The following VAMP5 variants were observed in gnomAD, a reference collection of about 807,000 sequenced individuals.
VAMP5 encodes vesicle associated membrane protein 5, also known as vesicle-associated membrane protein 5.
VAMP5 carries 10 observed loss-of-function variants against 8.1 expected under a neutral mutation model. The ratio of observed to expected loss-of-function variants is 1.23; its 90% CI spans 0.76 to 2.09. The LOEUF is 2.09. VAMP5 is among the 30% of genes most tolerant of loss of function. VAMP5 has a pLI of 0.00. For synonymous variants in VAMP5, 62 were observed against 60.6 expected, an observed-to-expected ratio of 1.02 and a Z score of -0.11; for missense variants, 135 against 152.5, an observed-to-expected ratio of 0.89 and a Z score of 0.60.
chr2:85,586,449 G>A (rs555082359), intron 1 of VAMP5, among the ~76,000 whole-genome samples: 7 of 152,286 alleles, frequency 4.6e-5, no homozygotes, highest in South Asian at 2.1e-4. Flanking sequence ...GGTGGCACAC[G>A]CCTGTAGTCC....
At chr2:85,584,576 CG>C in intron 1 of VAMP5, 83 bp downstream of exon 1, 1 of 1,229,060 alleles carries the variant, frequency 8.1e-7, no homozygotes, top group Non-Finnish European at 1.0e-6. Flanking sequence ...CCAAAGTCCG[CG>C]GGCTGGGGCC....
chr2:85,584,771 C>T (rs961188660), intron 1 of VAMP5, among the ~76,000 whole-genome samples: 1 of 152,224 alleles, frequency 6.6e-6, no homozygotes, highest in Non-Finnish European at 1.5e-5. Context: ...TTAAGAGCAC[C>T]GACTTTGGAG....
At chr2:85,591,497 A>G in intron 1 of VAMP5, 1 of 577,620 alleles carries the variant, frequency 1.7e-6, no homozygotes, top group South Asian at 2.1e-5. Context: ...CCTAGGTCCT[A>G]GGCCCTGCCT....
chr2:85,585,934 G>A (rs1479288921), intron 1 of VAMP5, among the ~76,000 whole-genome samples: 1 of 152,176 alleles, frequency 6.6e-6, no homozygotes, highest in Admixed American at 6.5e-5. Context: ...TGCCAGCATG[G>A]TGACAAGTAT....
Position 85,592,995 on chromosome 2 carries a change from CT to C in VAMP5, c.190del (p.Trp64GlyfsTer22). 1 of 1,614,122 alleles carries C rather than the reference CT, an allele frequency of 6.2e-7. No homozygotes were observed. Among genetic ancestry groups the C allele is most frequent in the Non-Finnish European group, 8.5e-7 (1 of 1,180,024 alleles). Reference protein sequence around the residue: ...TTQNLAQKKCWENIRYRICVG... With the variant: ...TTQNLAQKKCXENIRYRICVG... The stretch of plus-strand genomic sequence containing the variant: ...CACAGAACCTGGCCCAGAAGAAGTG[CT>C]GGGAGAACATCCGTTACCGGATCTG... On this transcript the variant is annotated frameshift_variant, in exon 3 of 3. Coordinates refer to ENST00000306384, the MANE Select transcript of VAMP5 (RefSeq NM_006634.3). LOFTEE classifies it low-confidence loss of function (END_TRUNC).
At chr2:85,587,378 C>T (rs1319576367) in intron 1 of VAMP5, among the ~76,000 whole-genome samples, 1 of 151,852 alleles carries the variant, frequency 6.6e-6, no homozygotes, top group Non-Finnish European at 1.5e-5. Flanking sequence ...CTCAGCCTCC[C>T]GAGTAGCTGG....
In VAMP5 at chr2:85,592,926, TTGTGTC is replaced by T; in HGVS notation, c.142-19_142-14del. On this transcript the variant is annotated splice_polypyrimidine_tract_variant and intron_variant, in intron 2 of 2. Transcript: ENST00000306384. Reference sequence around the variant, plus strand: ...AAGAGGGTGCCAGCTAACTCCCACTTTGTGTCTGGGGGTATCCGCAGAGCTCAACCT... The same window carrying T: ...AAGAGGGTGCCAGCTAACTCCCACTTTGGGGGTATCCGCAGAGCTCAACCT... 1 of 1,612,808 alleles carries T rather than the reference TTGTGTC, an allele frequency of 6.2e-7. No homozygotes were observed. Among genetic ancestry groups the T allele is most frequent in the Non-Finnish European group, 8.5e-7 (1 of 1,179,824 alleles).
At chr2:85,588,051 G>A (rs569390504) in intron 1 of VAMP5, among the ~76,000 whole-genome samples, 60 of 152,164 alleles carry the variant, frequency 3.9e-4, no homozygotes, top group African/African-American at 1.4e-3. Context: ...AGTGCAGTGC[G>A]CAATCTTGGC....
chr2:85,593,276 A>G lies in VAMP5; in HGVS notation c.*119A>G. The stretch of plus-strand genomic sequence containing the variant: ...GTGAGTGCCAAAGGGCAGCCCCAAC[A>G]TGTGCACCCCTGCATTTCCTGTCAT... On this transcript the variant is annotated 3_prime_UTR_variant, in exon 3 of 3. Transcript: ENST00000306384. 3.8e-6 allele frequency: 4 copies of G among 1,054,378 alleles called. No individual in the cohort carries two copies. The South Asian group carries it at 5.6e-5, about 15-fold the overall frequency. The allele number at this position is 1,054,378 out of a possible 1,614,324, so 65.3% of individuals were successfully genotyped here.
chr2:85,590,398 G>A (rs1017239218), intron 1 of VAMP5, among the ~76,000 whole-genome samples: 6 of 152,170 alleles, frequency 3.9e-5, no homozygotes, highest in Non-Finnish European at 7.3e-5. Context: ...GTGGACAAAG[G>A]CAGGGCACTG....
At position 85,591,771 on chromosome 2, in the gene VAMP5, C is replaced by A; in HGVS notation, c.50C>A (p.Thr17Lys). The change falls in exon 2 of 3, where the codon ACG (threonine) becomes AAG (lysine). Residue 17 changes from threonine to lysine, a missense_variant. Transcript: ENST00000306384. Reference protein sequence around the residue: ...ERCQQQANEVTEIMRNNFGKV... With the variant: ...ERCQQQANEVKEIMRNNFGKV... ...TGCCAGCAGCAGGCGAACGAGGTGA[C>A]GGAAATTATGCGTAACAACTTCGGC... The A allele has an allele frequency of 6.2e-7, 1 of 1,614,074 alleles. No homozygotes were observed. The highest frequency in any genetic ancestry group is 1.1e-5 in the South Asian group (1 of 91,078).
intron 1 of VAMP5, 92 bp from the exon 2 acceptor site, chr2:85,591,633 C>T (rs1672538389): frequency 7.6e-6 from 12 of 1,574,182 alleles, no homozygotes; most frequent in Non-Finnish European, 1.0e-5. Flanking sequence ...CTGTACCCAC[C>T]TACAGGGGGA....
intron 1 of VAMP5, among the ~76,000 whole-genome samples, chr2:85,586,763 C>T (rs1248642508): frequency 1.3e-5 from 2 of 152,012 alleles, no homozygotes; most frequent in South Asian, 2.1e-4. Flanking sequence ...AACAGCCTGC[C>T]GTGCCAGATG....
chr2:85,585,335 G>T (rs1242599616), intron 1 of VAMP5, among the ~76,000 whole-genome samples: 1 of 152,242 alleles, frequency 6.6e-6, no homozygotes, highest in Non-Finnish European at 1.5e-5. Context: ...TGGGAAAATG[G>T]ACTGGGCAGG....
intron 1 of VAMP5, among the ~76,000 whole-genome samples, chr2:85,589,011 A>G (rs1157790898): frequency 1.3e-5 from 2 of 152,236 alleles, no homozygotes; most frequent in Non-Finnish European, 2.9e-5. Context: ...TAGGCCAGGC[A>G]TGATGGCTCA....
intron 1 of VAMP5, among the ~76,000 whole-genome samples, chr2:85,585,953 G>C (rs562080515): frequency 7.2e-4 from 110 of 152,360 alleles, no homozygotes; most frequent in Middle Eastern, 3.4e-3. Context: ...ATAGGGGACA[G>C]AGCAGGAACA....
At chr2:85,592,810 A>AAAAAAAAAAAAAG in intron 2 of VAMP5, 138 bp from the exon 3 acceptor site, 1 of 815,968 alleles carries the variant, frequency 1.2e-6, no homozygotes, top group Non-Finnish European at 1.9e-6. Context: ...CAAAAAAAAA[A>AAAAAAAAAAAAAG]AAAAAAGAAA....
intron 1 of VAMP5, 181 bp from the exon 2 acceptor site, chr2:85,591,544 G>T (rs1270056524): frequency 4.7e-6 from 4 of 853,040 alleles, no homozygotes; most frequent in African/African-American, 1.7e-5. Context: ...GACTTAAGGT[G>T]TGCCGCACTC....
intron 1 of VAMP5, among the ~76,000 whole-genome samples, 177 bp downstream of exon 1, chr2:85,584,670 C>G (rs1672437780): frequency 6.6e-6 from 1 of 152,258 alleles, no homozygotes; most frequent in Non-Finnish European, 1.5e-5. Flanking sequence ...TCCCTGCGCG[C>G]CGCATGGGAG....
Sources: allele counts gnomAD v4.1 joint callset (sites outside exome capture counted in the v4.1 genomes callset), GRCh38; gene constraint gnomAD v4.1.1; transcripts MANE v1.5; gene names NCBI Gene and HGNC (gene_info 2026-07-23, HGNC 2026-07-21).